FAM111A: variants seen among roughly 807,000 people sequenced by gnomAD.
FAM111A encodes FAM111 trypsin like peptidase A.
FAM111A carries 8 observed loss-of-function variants against 3.3 expected under a neutral mutation model. The ratio of observed to expected loss-of-function variants is 2.39; its 90% confidence interval spans 1.40 to 4.32. The LOEUF (loss-of-function observed/expected upper bound fraction) is 4.32, where lower values mean the gene tolerates loss of function less well. Ranked by LOEUF, FAM111A falls within the 30% of genes most tolerant of loss-of-function variation. FAM111A has a pLI of 0.00. For synonymous variants in FAM111A, 227 were observed against 243.1 expected (o/e 0.93, Z 0.62); for missense variants, 683 against 727.6 (o/e 0.94, Z 0.71).
chr11:59,144,600 A>T (rs1445122902), intron 3 of FAM111A: 1 of 152,210 alleles, frequency 6.6e-6, no homozygotes, highest in Non-Finnish European at 1.5e-5. Context: ...GGGATTAGGA[A>T]ATTCAGAAAG....
chr11:59,146,220 G>T (rs1860878696), intron 4 of FAM111A, among the ~76,000 whole-genome samples: 1 of 152,010 alleles, frequency 6.6e-6, no homozygotes, highest in Admixed American at 6.5e-5. Flanking sequence ...AAGTAGCTGG[G>T]ATTACAGGCA....
intron 4 of FAM111A, among the ~76,000 whole-genome samples, chr11:59,146,784 GGAGGT>G (rs1860972408): frequency 6.6e-6 from 1 of 152,180 alleles, no homozygotes; most frequent in African/African-American, 2.4e-5. Flanking sequence ...AAACAACCCA[GGAGGT>G]GAACATTCTA....
chr11:59,152,207 A>C lies in FAM111A; in HGVS notation c.539A>C (p.Glu180Ala), dbSNP rs375468089. The change falls in exon 6 of 6, where the codon GAA becomes GCA. Residue 180 changes from glutamate (E) to alanine (A), a missense_variant. Physicochemically the swap from Glu to Ala is moderately radical, Grantham distance 107. Around this residue, in one of 3 missense-constraint regions of FAM111A, gnomAD observed 557 missense variants for 600.2 expected, o/e 0.93. Coordinates refer to ENST00000675163, the MANE Select transcript of FAM111A (RefSeq NM_001312909.2). ...IFGRQDKAST[E>A]CVKFYIHAIG... ...GGCAGGCAGGACAAAGCATCGACTG[A>C]ATGTGTCAAATTTTACATTCATGCA... 48 of 1,614,068 alleles carry C rather than the reference A, an allele frequency of 3.0e-5. No homozygotes were observed. The highest frequency in any genetic ancestry group is 4.0e-5 in the Non-Finnish European group (47 of 1,180,044).
At chr11:59,149,216 A>C in intron 5 of FAM111A, 1 of 350,984 alleles carries the variant, frequency 2.8e-6, no homozygotes, top group South Asian at 4.9e-5. Context: ...AGAAAAAAAA[A>C]GTCATGCACG....
chr11:59,153,492 T>C lies in FAM111A; in HGVS notation c.1824T>C (p.Asp608=), dbSNP rs182238858. Residue 608 remains aspartate (D), a synonymous_variant, in exon 6 of 6, where the codon GAT becomes GAC. Coordinates refer to ENST00000675163, the MANE Select transcript of FAM111A (RefSeq NM_001312909.2). The stretch of plus-strand genomic sequence containing the variant: ...AGCAGGATGTAGAAATGATGAGTGA[T>C]GAGGACTTGTGAGAATTCAGTCTAC... ...VNQQDVEMMS[D]EDL is the part of the protein sequence containing the mutation. 1.9e-6 allele frequency: 3 copies of C among 1,598,008 alleles called. No homozygotes were observed. The highest frequency in any genetic ancestry group is 2.6e-6 in the Non-Finnish European group (3 of 1,172,380).
In FAM111A at chr11:59,152,905, G is replaced by A. The variant is rs558264545; in HGVS notation, c.1237G>A (p.Gly413Ser). ...IIGQCVRVTF[G>S]YEELKDKETN... ...TGGTCAATGTGTAAGGGTGACATTT[G>A]GTTATGAAGAGCTAAAAGACAAGGA... is the stretch of plus-strand genomic sequence containing the variant. The change falls in exon 6 of 6, where the codon GGT (glycine) becomes AGT (serine). Residue 413 changes from glycine to serine, a missense_variant. This residue lies in a region of FAM111A where 557 missense variants were observed against 600.2 expected (regional missense o/e 0.93). Coordinates refer to ENST00000675163, the MANE Select transcript of FAM111A (RefSeq NM_001312909.2). The A allele has an allele frequency of 7.4e-6, 12 of 1,614,110 alleles. No homozygotes were observed. The highest frequency in any genetic ancestry group is 3.3e-4 in the Middle Eastern group (2 of 6,062).
chr11:59,151,262 A>T (rs372248639), intron 5 of FAM111A, among the ~76,000 whole-genome samples: 14 of 152,062 alleles, frequency 9.2e-5, no homozygotes, highest in Admixed American at 3.3e-4. Flanking sequence ...GCATTTCTCC[A>T]GCCTCAGCCT....
chr11:59,147,476 T>C (rs1381896158), intron 4 of FAM111A, among the ~76,000 whole-genome samples: 1 of 152,226 alleles, frequency 6.6e-6, no homozygotes, highest in African/African-American at 2.4e-5. Context: ...TATATTTATA[T>C]TTGTTCTCCA....
chr11:59,149,503 C>T (rs1861381291), intron 5 of FAM111A, among the ~76,000 whole-genome samples: 1 of 152,146 alleles, frequency 6.6e-6, no homozygotes, highest in Non-Finnish European at 1.5e-5. Context: ...TATATCAAAG[C>T]AGTCTTTAAT....
chr11:59,144,421 CT>C (rs1256233004), intron 3 of FAM111A: 1 of 152,194 alleles, frequency 6.6e-6, no homozygotes, highest in African/African-American at 2.4e-5. Flanking sequence ...CTAGGAACCC[CT>C]TTGGTTATGG....
At position 59,154,751 on chromosome 11, in the gene FAM111A, G is replaced by C. The variant is rs1862109467; in HGVS notation, c.*1247G>C. 2 of 152,708 alleles carry C rather than the reference G, an allele frequency of 1.3e-5. No individual in the cohort carries two copies. The highest frequency in any genetic ancestry group is 2.9e-5 in the Non-Finnish European group (2 of 68,044). The allele number at this position is 152,708 out of a possible 1,614,324, so 9.5% of individuals were successfully genotyped here. Reference sequence around the variant, plus strand: ...ATTGTAAGAGTGATGTCATCTTGAAGAGCAGCTGGCATGATGACTGCTGTT... The same window carrying C: ...ATTGTAAGAGTGATGTCATCTTGAACAGCAGCTGGCATGATGACTGCTGTT... On this transcript the variant is annotated 3_prime_UTR_variant, in exon 6 of 6. Transcript: ENST00000675163.
intron 3 of FAM111A, chr11:59,143,998 A>T (rs972441322): frequency 1.3e-5 from 2 of 152,204 alleles, no homozygotes; most frequent in Non-Finnish European, 2.9e-5. Flanking sequence ...AGCTGACTCA[A>T]TTCTAACCAA....
intron 4 of FAM111A, chr11:59,148,140 TTTTATTTAAAG>T (rs1308702221): frequency 9.9e-5 from 15 of 152,240 alleles, no homozygotes; most frequent in African/African-American, 3.6e-4. Context: ...GATGTCACTA[TTTTATTTAAAG>T]TTTGTTCATC....
chr11:59,153,422 T>C lies in FAM111A; in HGVS notation c.1754T>C (p.Ile585Thr). 2.5e-6 allele frequency: 4 copies of C among 1,614,032 alleles called. No homozygotes were observed. Among genetic ancestry groups the C allele is most frequent in the Non-Finnish European group, 3.4e-6 (4 of 1,179,940 alleles). The change falls in exon 6 of 6, where the codon ATT becomes ACT. Residue 585 changes from isoleucine to threonine, a missense_variant. Transcript: ENST00000675163. ...GSTMESILLDIKQRHKPWYEE... is the reference protein window; with the variant it reads ...GSTMESILLDTKQRHKPWYEE... ...ACCATGGAATCCATCCTCCTTGATA[T>C]TAAGCAAAGACATAAACCATGGTAT... is the stretch of plus-strand genomic sequence containing the variant.
chr11:59,151,052 T>A (rs1861589633), intron 5 of FAM111A, among the ~76,000 whole-genome samples: 1 of 148,698 alleles, frequency 6.7e-6, no homozygotes, highest in South Asian at 2.1e-4. Context: ...TCAAGAACAA[T>A]TTTTTTTTGC....
chr11:59,146,793 C>T (rs546814844), intron 4 of FAM111A, among the ~76,000 whole-genome samples: 1 of 152,300 alleles, frequency 6.6e-6, no homozygotes, highest in Admixed American at 6.5e-5. Context: ...AGGAGGTGAA[C>T]ATTCTATAGA....
chr11:59,146,074 G>A (rs1479073545), intron 4 of FAM111A, among the ~76,000 whole-genome samples: 1 of 151,830 alleles, frequency 6.6e-6, no homozygotes, highest in East Asian at 1.9e-4. Context: ...GTGTGTGTGT[G>A]TGTGACAGAG....
intron 5 of FAM111A, among the ~76,000 whole-genome samples, chr11:59,150,911 A>G (rs1373237224): frequency 6.6e-6 from 1 of 152,218 alleles, no homozygotes; most frequent in Non-Finnish European, 1.5e-5. Flanking sequence ...TTCATGATAT[A>G]TGCTGGGCAA....
At chr11:59,149,271 A>G (rs958555400) in intron 5 of FAM111A, 1 of 236,116 alleles carries the variant, frequency 4.2e-6, no homozygotes, top group Non-Finnish European at 8.4e-6. Context: ...AATATTTTCA[A>G]TCTGCAGTTG....
Sources: allele counts gnomAD v4.1 joint callset (sites outside exome capture counted in the v4.1 genomes callset), GRCh38; gene constraint gnomAD v4.1.1; regional missense constraint gnomAD v4.1.1; transcripts MANE v1.5; gene names NCBI Gene and HGNC (gene_info 2026-07-23, HGNC 2026-07-21).